USH2A: variants seen among roughly 807,000 people sequenced by gnomAD.
USH2A encodes the protein Usher syndrome 2A (autosomal recessive, mild).
USH2A carries 443 observed loss-of-function variants against 538.9 expected under a neutral mutation model. The observed-to-expected ratio is 0.82, with a 90% CI of 0.76 to 0.89. The LOEUF is 0.89. USH2A is among the 40% of genes least tolerant of loss of function. USH2A has a pLI of 0.00. For synonymous variants in USH2A, 2,413 were observed against 2,273.5 expected (o/e 1.06, Z -1.75); for missense variants, 6,633 against 6,324.8 (o/e 1.05, Z -1.65).
chr1:216,230,319 G>T (rs2035651372), intron 14 of USH2A, among the ~76,000 whole-genome samples: 1 of 152,062 alleles, frequency 6.6e-6, no homozygotes, highest in South Asian at 2.1e-4. Context: ...AATCCTGACA[G>T]TGCTTTTTAT....
At chr1:215,882,080 T>A (rs995651056) in intron 41 of USH2A, among the ~76,000 whole-genome samples, 1 of 152,224 alleles carries the variant, frequency 6.6e-6, no homozygotes, top group Non-Finnish European at 1.5e-5. Context: ...CATCAAACTA[T>A]TTTGAAGAAC....
chr1:215,931,313 A>G (rs1666357195), intron 38 of USH2A, among the ~76,000 whole-genome samples: 1 of 151,978 alleles, frequency 6.6e-6, no homozygotes, highest in South Asian at 2.1e-4. Context: ...TGTCCTGACT[A>G]CAAATTAAGA....
intron 4 of USH2A, among the ~76,000 whole-genome samples, chr1:216,334,578 A>G (rs2037933610): frequency 6.6e-6 from 1 of 151,946 alleles, no homozygotes; most frequent in East Asian, 1.9e-4. Flanking sequence ...GGAGTTCTGC[A>G]AGAGACAAAC....
At chr1:215,934,118 C>T (rs562045217) in intron 38 of USH2A, among the ~76,000 whole-genome samples, 1 of 152,038 alleles carries the variant, frequency 6.6e-6, no homozygotes, top group Non-Finnish European at 1.5e-5. Flanking sequence ...AGGTGTTTTC[C>T]AGTAGTGCAA....
At position 215,779,830 on chromosome 1, in the gene USH2A, T is replaced by G. The variant is rs1192408897; in HGVS notation, c.10939+13A>C. 1 of 1,613,242 alleles carries G rather than the reference T, an allele frequency of 6.2e-7. No homozygotes were observed. Among genetic ancestry groups the G allele is most frequent in the East Asian group, 2.2e-5 (1 of 44,872 alleles). The stretch of plus-strand genomic sequence containing the variant: ...CTCCTCCAGTAGGATTTCCTTTTTT[T>G]TTGTTTTCTCACCTGTGACCGTATG... On this transcript the variant is annotated intron_variant, in intron 55 of 71. Transcript: ENST00000307340.
chr1:216,196,152 A>G (rs1204690940), intron 19 of USH2A, among the ~76,000 whole-genome samples: 2 of 152,154 alleles, frequency 1.3e-5, no homozygotes, highest in African/African-American at 4.8e-5. Flanking sequence ...ACATATAAGA[A>G]GTTTTATCAA....
intron 37 of USH2A, among the ~76,000 whole-genome samples, chr1:215,951,121 C>T (rs1349036838): frequency 2.0e-5 from 3 of 151,992 alleles, no homozygotes; most frequent in Non-Finnish European, 4.4e-5. Context: ...GCTCTTGCTT[C>T]TCTAGTTCTT....
At chr1:215,927,263 C>A (rs1197460157) in intron 38 of USH2A, among the ~76,000 whole-genome samples, 1 of 151,988 alleles carries the variant, frequency 6.6e-6, no homozygotes, top group Non-Finnish European at 1.5e-5. Flanking sequence ...ATTACAAAAG[C>A]CTGAAAAATT....
chr1:216,215,339 G>A (rs770216072), intron 15 of USH2A, among the ~76,000 whole-genome samples: 7 of 152,088 alleles, frequency 4.6e-5, no homozygotes, highest in Non-Finnish European at 8.8e-5. Flanking sequence ...GTCAGAGGTA[G>A]TTCACTGTGT....
At chr1:216,225,019 T>C (rs767728754) in intron 14 of USH2A, among the ~76,000 whole-genome samples, 2 of 152,146 alleles carry the variant, frequency 1.3e-5, no homozygotes, top group East Asian at 3.9e-4. Context: ...TGATTTTGAA[T>C]CTACTTTGTT....
intron 32 of USH2A, among the ~76,000 whole-genome samples, chr1:216,036,798 T>C (rs1002003951): frequency 3.9e-5 from 6 of 151,902 alleles, no homozygotes; most frequent in Non-Finnish European, 5.9e-5. Context: ...ATCTTAGCAA[T>C]TGCCTGTAGA....
At chr1:215,687,495 G>A (rs948294425) in intron 61 of USH2A, among the ~76,000 whole-genome samples, 1 of 151,650 alleles carries the variant, frequency 6.6e-6, no homozygotes, top group African/African-American at 2.4e-5. Flanking sequence ...AACCTATAAA[G>A]CAAAAGCTAG....
intron 64 of USH2A, among the ~76,000 whole-genome samples, chr1:215,667,311 G>A (rs1444337177): frequency 6.6e-6 from 1 of 152,164 alleles, no homozygotes; most frequent in Admixed American, 6.5e-5. Flanking sequence ...CTGGTTATAT[G>A]AATTGTGGTG....
intron 4 of USH2A, among the ~76,000 whole-genome samples, chr1:216,338,039 T>A (rs1437642395): frequency 6.6e-6 from 1 of 151,442 alleles, no homozygotes; most frequent in Non-Finnish European, 1.5e-5. Flanking sequence ...TAGAATGATA[T>A]ACTATGATCA....
At chr1:216,027,068 C>T (rs1056157701) in intron 32 of USH2A, among the ~76,000 whole-genome samples, 4 of 151,984 alleles carry the variant, frequency 2.6e-5, no homozygotes, top group African/African-American at 7.3e-5. Flanking sequence ...CAAAGCAGAC[C>T]CTCTGCTATA....
intron 40 of USH2A, among the ~76,000 whole-genome samples, chr1:215,892,594 T>A (rs927654175): frequency 3.9e-5 from 6 of 151,994 alleles, no homozygotes; most frequent in African/African-American, 1.2e-4. Flanking sequence ...CCCAACTACT[T>A]CCCAAAAGAA....
intron 64 of USH2A, among the ~76,000 whole-genome samples, chr1:215,655,545 C>G (rs1191813753): frequency 6.6e-6 from 1 of 152,000 alleles, no homozygotes; most frequent in Non-Finnish European, 1.5e-5. Context: ...CCCAACATTT[C>G]TCCTCCTAAT....
chr1:215,683,243 A>G (rs11587135), intron 61 of USH2A, among the ~76,000 whole-genome samples: 3 of 6,750 alleles, frequency 4.4e-4, no homozygotes, highest in Admixed American at 4.4e-3. Context: ...ACACACACAC[A>G]CACACACACA....
intron 15 of USH2A, among the ~76,000 whole-genome samples, chr1:216,207,995 T>C (rs1042790678): frequency 1.1e-4 from 16 of 150,418 alleles, no homozygotes; most frequent in Admixed American, 9.2e-4. Context: ...TATATGAATG[T>C]ACCATCACCT....
Sources: allele counts gnomAD v4.1 joint callset (sites outside exome capture counted in the v4.1 genomes callset), GRCh38; gene constraint gnomAD v4.1.1; transcripts MANE v1.5; gene names NCBI Gene and HGNC (gene_info 2026-07-23, HGNC 2026-07-21).